SGPP2: variants seen among roughly 807,000 people sequenced by gnomAD.
SGPP2 encodes sphingosine-1-phosphate phosphatase 2.
Under a neutral mutation model 33.9 loss-of-function variants are expected in SGPP2, and 30 were observed. The observed-to-expected ratio is 0.89, with a 90% CI of 0.66 to 1.20. SGPP2 has a LOEUF of 1.20. Among genes scored for constraint, SGPP2 ranks in the 50% most tolerant of loss-of-function variants. The pLI, the probability that SGPP2 is intolerant of heterozygous loss-of-function variation, is 0.00. For missense variants in SGPP2, 458 were observed against 532.1 expected (o/e 0.86, Z 1.37); for synonymous variants, 233 against 225.0 (o/e 1.04, Z -0.32).
intron 2 of SGPP2, among the ~76,000 whole-genome samples, chr2:222,491,624 G>C (rs569335310): frequency 1.3e-5 from 2 of 152,298 alleles, no homozygotes; most frequent in Non-Finnish European, 2.9e-5. Flanking sequence ...AACAGGTGCA[G>C]ATTATGGGGT....
At chr2:222,435,115 C>T (rs1312280758) in intron 1 of SGPP2, among the ~76,000 whole-genome samples, 1 of 150,500 alleles carries the variant, frequency 6.6e-6, no homozygotes, top group Non-Finnish European at 1.5e-5. Context: ...TTAGTATTAA[C>T]TCACACAATC....
intron 3 of SGPP2, among the ~76,000 whole-genome samples, chr2:222,522,895 C>T (rs572925028): frequency 3.3e-5 from 5 of 152,160 alleles, no homozygotes; most frequent in Admixed American, 6.5e-5. Context: ...GTTGCCCAGG[C>T]TGGTCTTGAA....
intron 1 of SGPP2, among the ~76,000 whole-genome samples, chr2:222,431,932 A>C (rs1697163665): frequency 6.6e-6 from 1 of 152,238 alleles, no homozygotes. Context: ...CAGAGAGTGG[A>C]CTGGAGAGGA....
At chr2:222,513,407 A>G (rs572770614) in intron 2 of SGPP2, among the ~76,000 whole-genome samples, 3 of 152,198 alleles carry the variant, frequency 2.0e-5, no homozygotes, top group Non-Finnish European at 2.9e-5. Flanking sequence ...GGGAAAAATG[A>G]TCTCGTCTAT....
intron 2 of SGPP2, among the ~76,000 whole-genome samples, chr2:222,508,853 A>G (rs1419962350): frequency 6.6e-6 from 1 of 152,210 alleles, no homozygotes; most frequent in East Asian, 1.9e-4. Context: ...TGGTTTAGAC[A>G]TGAGTAGCAC....
intron 1 of SGPP2, among the ~76,000 whole-genome samples, chr2:222,467,462 C>T (rs1159496944): frequency 6.6e-6 from 1 of 151,922 alleles, no homozygotes; most frequent in Non-Finnish European, 1.5e-5. Flanking sequence ...TTCCCATTAG[C>T]AGGTGAGGAA....
At chr2:222,527,497 C>T (rs190863168) in intron 4 of SGPP2, among the ~76,000 whole-genome samples, 58 of 152,260 alleles carry the variant, frequency 3.8e-4, no homozygotes, top group Admixed American at 1.4e-3. Context: ...TTTTTAGAAG[C>T]TTCCCATGGG....
chr2:222,534,031 A>G (rs2106143442), intron 4 of SGPP2, among the ~76,000 whole-genome samples: 1 of 152,304 alleles, frequency 6.6e-6, no homozygotes, highest in African/African-American at 2.4e-5. Flanking sequence ...TCTAAAATAA[A>G]GTGCCTCCTG....
chr2:222,540,364 G>T (rs1698973542), intron 4 of SGPP2, among the ~76,000 whole-genome samples: 1 of 152,194 alleles, frequency 6.6e-6, no homozygotes, highest in Non-Finnish European at 1.5e-5. Context: ...TATTCAAAAA[G>T]TGTTGGATTT....
At chr2:222,549,201 G>A (rs1009212486) in intron 4 of SGPP2, among the ~76,000 whole-genome samples, 62 of 152,364 alleles carry the variant, frequency 4.1e-4, no homozygotes, top group African/African-American at 1.4e-3. Flanking sequence ...TTCAAGATCT[G>A]AATGCATTCT....
chr2:222,470,370 C>G (rs1258578630), intron 1 of SGPP2, among the ~76,000 whole-genome samples: 1 of 152,186 alleles, frequency 6.6e-6, no homozygotes, highest in African/African-American at 2.4e-5. Flanking sequence ...TATTGGCTCT[C>G]AAGCGATTTA....
chr2:222,544,704 G>A (rs1302972028), intron 4 of SGPP2, among the ~76,000 whole-genome samples: 1 of 152,134 alleles, frequency 6.6e-6, no homozygotes, highest in African/African-American at 2.4e-5. Context: ...AAGATTGGTT[G>A]AATCCAGATG....
At chr2:222,468,367 G>A (rs181595091) in intron 1 of SGPP2, among the ~76,000 whole-genome samples, 1 of 149,696 alleles carries the variant, frequency 6.7e-6, no homozygotes, top group Admixed American at 6.6e-5. Context: ...TTTATTTAAT[G>A]AGCCTTTCCT....
At chr2:222,545,456 A>T (rs1161174372) in intron 4 of SGPP2, among the ~76,000 whole-genome samples, 1 of 151,720 alleles carries the variant, frequency 6.6e-6, no homozygotes, top group African/African-American at 2.4e-5. Flanking sequence ...TAATTTTTGT[A>T]TTTTTAGTAG....
intron 1 of SGPP2, chr2:222,453,081 T>G: frequency 8.5e-7 from 1 of 1,176,700 alleles, no homozygotes; most frequent in South Asian, 1.2e-5. Context: ...CAGTGGGTTG[T>G]TTGCCTTTGG....
At chr2:222,527,763 A>C (rs1447110025) in intron 4 of SGPP2, among the ~76,000 whole-genome samples, 2 of 152,262 alleles carry the variant, frequency 1.3e-5, no homozygotes, top group Non-Finnish European at 2.9e-5. Flanking sequence ...GTCAGGCTAC[A>C]GGACCAGAGA....
chr2:222,531,367 C>T (rs1698836699), intron 4 of SGPP2, among the ~76,000 whole-genome samples: 1 of 152,154 alleles, frequency 6.6e-6, no homozygotes, highest in Non-Finnish European at 1.5e-5. Context: ...ATTCTGACAC[C>T]TGCTACAACA....
chr2:222,506,224 A>G (rs1698443254), intron 2 of SGPP2, among the ~76,000 whole-genome samples: 4 of 152,200 alleles, frequency 2.6e-5, no homozygotes, highest in Admixed American at 2.6e-4. Flanking sequence ...AAATTACATC[A>G]CAGTAAAAAG....
At chr2:222,438,368 G>A (rs1697275392) in intron 1 of SGPP2, among the ~76,000 whole-genome samples, 1 of 152,198 alleles carries the variant, frequency 6.6e-6, no homozygotes, top group Admixed American at 6.5e-5. Flanking sequence ...TCAGCATAAT[G>A]TCATCCATGT....
Sources: allele counts gnomAD v4.1 joint callset (sites outside exome capture counted in the v4.1 genomes callset), GRCh38; gene constraint gnomAD v4.1.1; transcripts MANE v1.5; gene names NCBI Gene and HGNC (gene_info 2026-07-23, HGNC 2026-07-21).